Variants in KYNU observed in about 807,000 individuals in gnomAD.
The protein encoded by KYNU is L-kynurenine hydrolase.
A neutral mutation model predicts 59.2 loss-of-function variants in KYNU; 54 were observed. That is an observed-to-expected ratio of 0.91 (90% CI 0.73 to 1.14). KYNU has a LOEUF of 1.14. KYNU is among the 50% of genes most tolerant of loss of function. The pLI, the probability that KYNU is intolerant of heterozygous loss-of-function variation, is 0.00. For missense variants in KYNU, 567 were observed against 554.4 expected (o/e 1.02, Z -0.23); for synonymous variants, 177 against 192.0 (o/e 0.92, Z 0.65).
chr2:142,954,489 T>C (rs1002267952), intron 4 of KYNU, among the ~76,000 whole-genome samples: 15 of 152,202 alleles, frequency 9.9e-5, no homozygotes, highest in African/African-American at 3.6e-4. Flanking sequence ...AAAAATATGC[T>C]CCTTGGGAAT....
intron 8 of KYNU, among the ~76,000 whole-genome samples, chr2:142,970,217 G>A (rs565099532): frequency 4.6e-5 from 7 of 152,244 alleles, no homozygotes; most frequent in African/African-American, 1.7e-4. Flanking sequence ...TCGATTTGAA[G>A]AGAAAATATT....
At chr2:142,932,995 T>C (rs1573806627) in intron 4 of KYNU, among the ~76,000 whole-genome samples, 1 of 151,668 alleles carries the variant, frequency 6.6e-6, no homozygotes, top group Non-Finnish European at 1.5e-5. Flanking sequence ...ATTTGGGGGG[T>C]TTCTATGAAT....
chr2:142,988,656 G>T (rs984798532), intron 10 of KYNU, among the ~76,000 whole-genome samples: 1 of 151,886 alleles, frequency 6.6e-6, no homozygotes, highest in African/African-American at 2.4e-5. Flanking sequence ...AAATTTATGG[G>T]ACTTAAATTA....
chr2:142,995,366 T>C lies in KYNU; in HGVS notation c.902+9345T>C, dbSNP rs565893084. Reference sequence around the variant, plus strand: ...TCTTACAGAGTAAGATTTGAAGAGGTAATTGAATATGTAACAGAACCAAGT... The same window carrying C: ...TCTTACAGAGTAAGATTTGAAGAGGCAATTGAATATGTAACAGAACCAAGT... On this transcript the variant is annotated intron_variant, in intron 10 of 13. Coordinates refer to ENST00000264170, the MANE Select transcript of KYNU (RefSeq NM_003937.3). Among the ~76,000 whole-genome samples the C allele has an allele frequency of 7.2e-5, 11 of 152,130 alleles. No homozygotes were observed. In the East Asian group the frequency reaches 1.9e-3, roughly 27 times the overall value.
At chr2:142,972,794 A>ATG (rs1684765066) in intron 8 of KYNU, among the ~76,000 whole-genome samples, 1 of 88,454 alleles carries the variant, frequency 1.1e-5, no homozygotes, top group African/African-American at 4.5e-5. Flanking sequence ...CAGAGGCCAT[A>ATG]TATATATATA....
rs144650155 is a variant in KYNU at position 142,973,511 on chromosome 2, C to G, written c.730-11573C>G. On this transcript the variant is annotated intron_variant, in intron 8 of 13. Coordinates refer to ENST00000264170, the MANE Select transcript of KYNU (RefSeq NM_003937.3). ...GGCAGTTGCTCCATTGGCAACAGCT[C>G]CCAGCAATGATGGCTGCATTACTAC... 2.1e-4 allele frequency among the ~76,000 whole-genome samples: 32 copies of G among 152,228 alleles called. No homozygotes were observed. In the East Asian group the frequency reaches 4.8e-3, roughly 23 times the overall value.
At chr2:143,041,510 C>T (rs1440852506) in intron 13 of KYNU, among the ~76,000 whole-genome samples, 1 of 152,006 alleles carries the variant, frequency 6.6e-6, no homozygotes, top group Admixed American at 6.6e-5. Flanking sequence ...AAACTATATA[C>T]TATATTGTCT....
At chr2:142,959,377 G>A (rs1051907306) in intron 7 of KYNU, among the ~76,000 whole-genome samples, 5 of 151,954 alleles carry the variant, frequency 3.3e-5, no homozygotes, top group South Asian at 2.1e-4. Flanking sequence ...ACGTGAGGCC[G>A]GGAGTTCAAG....
intron 10 of KYNU, among the ~76,000 whole-genome samples, chr2:143,015,407 A>AGTAG (rs1200911979): frequency 3.9e-5 from 6 of 152,100 alleles, no homozygotes; most frequent in African/African-American, 7.2e-5. Flanking sequence ...GCATCATGCA[A>AGTAG]AATTCTCAGG....
intron 5 of KYNU, among the ~76,000 whole-genome samples, chr2:142,955,664 T>G (rs1378555777): frequency 6.6e-6 from 1 of 152,070 alleles, no homozygotes; most frequent in African/African-American, 2.4e-5. Flanking sequence ...ATTGCTTTAG[T>G]ACCCTGGCCA....
chr2:143,035,903 G>T (rs1686881209), intron 12 of KYNU, among the ~76,000 whole-genome samples: 1 of 152,108 alleles, frequency 6.6e-6, no homozygotes, highest in Non-Finnish European at 1.5e-5. Context: ...CTCCACAGCA[G>T]CTGGGACTAC....
At chr2:142,955,971 T>G (rs989310622) in intron 5 of KYNU, among the ~76,000 whole-genome samples, 9 of 152,232 alleles carry the variant, frequency 5.9e-5, no homozygotes, top group Middle Eastern at 6.8e-3. Context: ...CATTCACATT[T>G]TCCCCCGAGT....
intron 2 of KYNU, among the ~76,000 whole-genome samples, chr2:142,891,341 G>T (rs1681706247): frequency 1.3e-5 from 2 of 151,730 alleles, no homozygotes; most frequent in African/African-American, 4.8e-5. Flanking sequence ...CTATATAGAA[G>T]ATTATTAACT....
chr2:142,985,471 T>C (rs1371244704), intron 9 of KYNU, among the ~76,000 whole-genome samples: 1 of 151,936 alleles, frequency 6.6e-6, no homozygotes, highest in Non-Finnish European at 1.5e-5. Flanking sequence ...ATTGATCATC[T>C]TTTTAGTTTT....
At chr2:142,937,369 T>C (rs770791201) in intron 4 of KYNU, among the ~76,000 whole-genome samples, 1 of 152,196 alleles carries the variant, frequency 6.6e-6, no homozygotes, top group Non-Finnish European at 1.5e-5. Flanking sequence ...CACAGGAGGC[T>C]GGACAAGTCT....
Position 142,881,909 on chromosome 2 carries a change from C to CTTTTTTT in KYNU, c.-19-3434_-19-3433insTTTTTTT, listed in dbSNP as rs1222437103. Among the ~76,000 whole-genome samples, 78 of 124,640 alleles carry CTTTTTTT rather than the reference C, an allele frequency of 6.3e-4. 6 individuals are homozygous for CTTTTTTT. The highest frequency in any genetic ancestry group is 2.0e-3 in the African/African-American group (61 of 30,158). The allele number at this position is 124,640 out of a possible 152,430, so 81.8% of individuals were successfully genotyped here. A position where few individuals can be genotyped will look rare whatever the true frequency, so the allele number is the denominator to read the frequency against. On this transcript the variant is annotated intron_variant, in intron 1 of 13. Coordinates refer to ENST00000264170, the MANE Select transcript of KYNU (RefSeq NM_003937.3). ...TGCCAGCACACCTGGCTTTTCTTTTCTTTTTTCTTTTTTTTTTTTTTTTTT... is the reference window on the plus strand; with the variant it reads ...TGCCAGCACACCTGGCTTTTCTTTTCTTTTTTTTTTTTTCTTTTTTTTTTTTTTTTTT...
At chr2:142,998,904 G>A (rs182318252) in intron 10 of KYNU, among the ~76,000 whole-genome samples, 200 of 151,096 alleles carry the variant, frequency 1.3e-3, no homozygotes, top group African/African-American at 4.7e-3. Flanking sequence ...AGCTACTCGG[G>A]AGGCTGAGGC....
chr2:143,032,302 C>A (rs79913123), intron 11 of KYNU, among the ~76,000 whole-genome samples: 12,265 of 147,976 alleles, frequency 0.083, 712 homozygotes, highest in African/African-American at 0.15. Flanking sequence ...AAAAAAAAAA[C>A]AAAACAAAAA....
At chr2:143,016,507 C>T (rs558760310) in intron 10 of KYNU, among the ~76,000 whole-genome samples, 1 of 152,140 alleles carries the variant, frequency 6.6e-6, no homozygotes, top group East Asian at 1.9e-4. Flanking sequence ...AATAATTTTC[C>T]AAGTGAAAAT....
Sources: allele counts gnomAD v4.1 joint callset (sites outside exome capture counted in the v4.1 genomes callset), GRCh38; gene constraint gnomAD v4.1.1; transcripts MANE v1.5; gene names NCBI Gene and HGNC (gene_info 2026-07-23, HGNC 2026-07-21).